AARS2: variants seen among roughly 807,000 people sequenced by gnomAD.
AARS2 encodes alanyl-tRNA synthetase 2, mitochondrial.
Under a neutral mutation model 119.7 loss-of-function variants are expected in AARS2, and 78 were observed. The ratio of observed to expected loss-of-function variants is 0.65; its 90% CI spans 0.54 to 0.79. AARS2 has a LOEUF of 0.79. Ranked by LOEUF, AARS2 falls within the 30% of genes least tolerant of loss-of-function variation. The probability of loss-of-function intolerance (pLI) is 0.00; values close to 1 mark genes in which losing one functional copy is unlikely to be tolerated. For missense variants in AARS2, 1,157 were observed against 1,291.3 expected (o/e 0.90, Z 1.59); for synonymous variants, 502 against 526.3 (o/e 0.95, Z 0.63).
Position 44,302,403 on chromosome 6 carries a change from T to A in AARS2, c.2475A>T (p.Gly825=). The stretch of plus-strand genomic sequence containing the variant: ...GCGTGGCCCTCACTTCAATGAGTCG[T>A]CCTATGTCCTTGGACAGCCTCAGTG... ...AEALRLSKDI[G]RLIEAVETAV... Residue 825 remains glycine, a synonymous_variant, in exon 18 of 22, where the codon GGA becomes GGT. Transcript: ENST00000244571. 2 of 1,614,082 alleles carry A rather than the reference T, an allele frequency of 1.2e-6. No homozygotes were observed. Among genetic ancestry groups the A allele is most frequent in the Non-Finnish European group, 1.7e-6 (2 of 1,180,006 alleles).
rs1554147776 is a variant in AARS2, at chr6:44,302,810, C to A, written c.2356G>T (p.Ala786Ser). ...TRLLAVTGEQ[A>S]QQARELGQSL... ...CCTACTGGCATGCTGACCTGCTGGG[C>A]CTGCTCCCCAGTGACGGCCAGCAGG... The change falls in exon 17 of 22, where the codon GCC (alanine) becomes TCC (serine). Residue 786 changes from alanine (A) to serine (S), a missense_variant. By Grantham distance (99) the Ala-to-Ser change is moderately conservative. Transcript: ENST00000244571. The A allele has an allele frequency of 1.2e-6, 2 of 1,613,342 alleles. No homozygotes were observed. The highest frequency in any genetic ancestry group is 1.1e-5 in the South Asian group (1 of 90,922).
In AARS2 at chr6:44,313,205, G is replaced by T. The variant is rs778971317; in HGVS notation, c.119C>A (p.Ser40Ter). ...LSSEPPAAKA[S>*]AVRAAFLNFF... The stretch of plus-strand genomic sequence containing the variant: ...GTTCAGAAAGGCGGCCCTCACGGCC[G>T]AGGCCTTGGCTGCAGGGGGCTCCGA... Residue 40 changes from serine (S) to a stop codon, truncating the protein, a stop_gained, in exon 1 of 22, where the codon TCG becomes TAG. Transcript: ENST00000244571. LOFTEE classifies it high-confidence loss of function. 6.2e-7 allele frequency: 1 copy of T among 1,608,694 alleles called. No homozygotes were observed. Among genetic ancestry groups the T allele is most frequent in the African/African-American group, 1.3e-5 (1 of 74,910 alleles).
Position 44,300,587 on chromosome 6 carries a change from G to A in AARS2, c.2918C>T (p.Ala973Val). ...GGCATAGGTTTGGGCTATACTGAGG[G>A]CAGCTTCCAGGTCAGTAGTGCTTCC... is the stretch of plus-strand genomic sequence containing the variant. ...GTGSTTDLEA[A>V]LSIAQTYALS... is the part of the protein sequence containing the mutation. Residue 973 changes from alanine (A) to valine (V), a missense_variant, in exon 22 of 22, where the codon GCC (alanine) becomes GTC (valine). Coordinates refer to ENST00000244571, the MANE Select transcript of AARS2 (RefSeq NM_020745.4). 3.7e-6 allele frequency: 6 copies of A among 1,614,100 alleles called. No homozygotes were observed. Among genetic ancestry groups the A allele is most frequent in the Non-Finnish European group, 5.1e-6 (6 of 1,180,036 alleles).
In AARS2 at chr6:44,302,316, G is replaced by C. The variant is rs900540338; in HGVS notation, c.2487+75C>G. On this transcript the variant is annotated intron_variant, in intron 18 of 21. Coordinates refer to ENST00000244571, the MANE Select transcript of AARS2 (RefSeq NM_020745.4). The stretch of plus-strand genomic sequence containing the variant: ...CAACCCAATTGGAGTGCTAGGGAGA[G>C]TCTGAAGGAGTCCAGGGAGGAATAG... The C allele has an allele frequency of 1.7e-4, 267 of 1,613,178 alleles. 2 individuals carry two copies. The South Asian group carries it at 2.8e-3, about 17-fold the overall frequency.
rs749412322 is a variant in AARS2 at position 44,301,234 on chromosome 6, C to T, written c.2715G>A (p.Glu905=). 2 of 1,613,792 alleles carry T rather than the reference C, an allele frequency of 1.2e-6. No homozygotes were observed. The highest frequency in any genetic ancestry group is 2.2e-5 in the East Asian group (1 of 44,872). The stretch of plus-strand genomic sequence containing the variant: ...GGAGCACAGACGTGCTGGGGGCCTG[C>T]TCACACAGCTGCCGTACCACCTTCA... ...VLVKVVRQLC[E]QAPSTSVLLL... is the part of the protein sequence containing the mutation. Residue 905 remains glutamate, a synonymous_variant, in exon 21 of 22, where the codon GAG becomes GAA. Transcript: ENST00000244571.
rs749647911 is a variant in AARS2, at chr6:44,313,328, G to A, written c.-5C>T. On this transcript the variant is annotated 5_prime_UTR_variant, in exon 1 of 22. Transcript: ENST00000244571. ...AGCTGCCACTGACGCTGCCATCGTA[G>A]CTCCGGGCAGTGACTTTACGTGGTC... 6.2e-7 allele frequency: 1 copy of A among 1,600,328 alleles called. No homozygotes were observed. Among genetic ancestry groups the A allele is most frequent in the East Asian group, 2.2e-5 (1 of 44,800 alleles).
intron 16 of AARS2, 28 bp from the exon 17 acceptor site, chr6:44,302,938 T>G: frequency 6.2e-7 from 1 of 1,610,446 alleles, no homozygotes; most frequent in Non-Finnish European, 8.5e-7. Context: ...GAACAGAAAG[T>G]CGGGGCATGA....
At position 44,312,275 on chromosome 6, in the gene AARS2, T is replaced by G. The variant is rs754572358; in HGVS notation, c.244-12A>C. On this transcript the variant is annotated splice_polypyrimidine_tract_variant and intron_variant, in intron 1 of 21. Transcript: ENST00000244571. ...AAGATTGGCTTGAACTGGAAGCACATAGAGTGGGGAGGGGGAGAGGGATAT... is the reference window on the plus strand; with the variant it reads ...AAGATTGGCTTGAACTGGAAGCACAGAGAGTGGGGAGGGGGAGAGGGATAT... The G allele has an allele frequency of 1.2e-6, 2 of 1,612,588 alleles. No individual in the cohort carries two copies. The highest frequency in any genetic ancestry group is 2.7e-5 in the African/African-American group (2 of 74,936).
In AARS2 at chr6:44,311,032, C is replaced by T. The variant is rs781064661; in HGVS notation, c.711G>A (p.Leu237=). 1.9e-6 allele frequency: 3 copies of T among 1,614,002 alleles called. No homozygotes were observed. Among genetic ancestry groups the T allele is most frequent in the Admixed American group, 3.3e-5 (2 of 60,026 alleles). Residue 237 remains leucine, a synonymous_variant, in exon 4 of 22, where the codon CTG becomes CTA. Transcript: ENST00000244571. ...TGAAGACCAGGTTCCAAAGCTCTAC[C>T]AGCTGGGGGGCTCCCACCCCACCAG... is the stretch of plus-strand genomic sequence containing the variant. ...DLAGGVGAPQ[L]VELWNLVFMQ...
chr6:44,302,236 G>A, intron 18 of AARS2, 66 bp from the exon 19 acceptor site: 1 of 1,609,734 alleles, frequency 6.2e-7, no homozygotes, highest in East Asian at 2.2e-5. Flanking sequence ...GTAGGGACCA[G>A]CAGGGCCAGG....
Position 44,305,272 on chromosome 6 carries a change from G to T in AARS2, c.1435-74C>A. On this transcript the variant is annotated intron_variant, in intron 10 of 21. Coordinates refer to ENST00000244571, the MANE Select transcript of AARS2 (RefSeq NM_020745.4). The surrounding 1 kb of genome is among the most constrained non-coding windows in gnomAD (Gnocchi z 4.6). ...TGAAAGTGGGACTTCAGCCTCGCAG[G>T]GCCCTGTCCCTGCCACACAGCTGTG... 1 of 1,590,316 alleles carries T rather than the reference G, an allele frequency of 6.3e-7. No homozygotes were observed. The highest frequency in any genetic ancestry group is 2.2e-5 in the East Asian group (1 of 44,808).
intron 1 of AARS2, 25 bp from the exon 2 acceptor site, chr6:44,312,288 G>A: frequency 6.2e-7 from 1 of 1,609,108 alleles, no homozygotes; most frequent in Non-Finnish European, 8.5e-7. Flanking sequence ...AGTGGGGAGG[G>A]GGAGAGGGAT....
chr6:44,301,551 G>C, intron 19 of AARS2, 87 bp from the exon 20 acceptor site: 2 of 1,263,442 alleles, frequency 1.6e-6, no homozygotes, highest in South Asian at 2.4e-5. Context: ...CCCCAGCTGA[G>C]CAATCCCCTG....
Position 44,311,078 on chromosome 6 carries a change from G to C in AARS2, c.665C>G (p.Thr222Ser). Residue 222 changes from threonine to serine, a missense_variant, in exon 4 of 22, where the codon ACT becomes AGT. Thr to Ser is a moderately conservative substitution (Grantham distance 58, BLOSUM62 1). Coordinates refer to ENST00000244571, the MANE Select transcript of AARS2 (RefSeq NM_020745.4). ...MGDTGPCGPC[T>S]EIHYDLAGGV... ...ACCAGCAAGGTCGTAGTGGATCTCA[G>C]TACAGGGCCCACAAGGGCCAGTATC... 6.2e-7 allele frequency: 1 copy of C among 1,614,080 alleles called. No homozygotes were observed. The highest frequency in any genetic ancestry group is 8.5e-7 in the Non-Finnish European group (1 of 1,180,030).
chr6:44,307,078 C>A lies in AARS2; in HGVS notation c.1041-47G>T. ...ACATGAATCCCCAGCGGCTCATGGT[C>A]AGCAATATGGGGAGTGGGAAGGACG... On this transcript the variant is annotated intron_variant, in intron 6 of 21. Coordinates refer to ENST00000244571, the MANE Select transcript of AARS2 (RefSeq NM_020745.4). The surrounding 1 kb of genome is among the most constrained non-coding windows in gnomAD (Gnocchi z 4.4). The A allele has an allele frequency of 6.2e-7, 1 of 1,606,802 alleles. No individual in the cohort carries two copies. The highest frequency in any genetic ancestry group is 8.5e-7 in the Non-Finnish European group (1 of 1,173,964).
Position 44,300,382 on chromosome 6 carries a change from A to T in AARS2, c.*165T>A. On this transcript the variant is annotated 3_prime_UTR_variant, in exon 22 of 22. Transcript: ENST00000244571. ...GGCCCAGTTCTGCCTTCCCTAGCCCATGTCTCCTTGTGTCACGTAGGCCCT... is the reference window on the plus strand; with the variant it reads ...GGCCCAGTTCTGCCTTCCCTAGCCCTTGTCTCCTTGTGTCACGTAGGCCCT... The T allele has an allele frequency of 1.0e-6, 1 of 959,606 alleles. No homozygotes were observed. The highest frequency in any genetic ancestry group is 1.6e-6 in the Non-Finnish European group (1 of 618,064). The allele number at this position is 959,606 out of a possible 1,614,324, so 59.4% of individuals were successfully genotyped here. A position where few individuals can be genotyped will look rare whatever the true frequency, so the allele number is the denominator to read the frequency against.
At chr6:44,301,129 G>A (rs768657007) in intron 21 of AARS2, 27 bp downstream of exon 21, 11 of 1,582,498 alleles carry the variant, frequency 7.0e-6, no homozygotes, top group Middle Eastern at 1.7e-4. Flanking sequence ...TAATGGGGGC[G>A]GTGGGCTGCT....
At chr6:44,304,360 A>G in intron 13 of AARS2, 39 bp from the exon 14 acceptor site, 1 of 1,614,148 alleles carries the variant, frequency 6.2e-7, no homozygotes, top group Non-Finnish European at 8.5e-7. Flanking sequence ...GGGTGAGGGC[A>G]GGGGGTTGGG....
intron 11 of AARS2, 41 bp from the exon 12 acceptor site, chr6:44,304,858 T>C: frequency 1.9e-6 from 3 of 1,613,432 alleles, no homozygotes; most frequent in East Asian, 2.2e-5. Flanking sequence ...GGGCAGGGGC[T>C]GGGGACGTGA....
Sources: allele counts gnomAD v4.1 joint callset, GRCh38; gene constraint gnomAD v4.1.1; non-coding constraint Gnocchi (gnomAD v3.1); transcripts MANE v1.5; gene names NCBI Gene and HGNC (gene_info 2026-07-23, HGNC 2026-07-21).